APBA1: variants seen among roughly 807,000 people sequenced by gnomAD.
APBA1 encodes amyloid-beta A4 precursor protein-binding family A member 1.
Under a neutral mutation model 86.6 loss-of-function variants are expected in APBA1, and 55 were observed. The ratio of observed to expected loss-of-function variants is 0.64; its 90% CI spans 0.51 to 0.80. The LOEUF is 0.80. Ranked by LOEUF, APBA1 falls within the 30% of genes least tolerant of loss-of-function variation. The pLI is 0.00. For missense variants in APBA1, 1,090 were observed against 1,183.0 expected (o/e 0.92, Z 1.15); for synonymous variants, 511 against 493.9 (o/e 1.03, Z -0.46).
intron 1 of APBA1, among the ~76,000 whole-genome samples, chr9:69,622,399 C>G (rs1564094627): frequency 6.6e-6 from 1 of 152,130 alleles, no homozygotes; most frequent in Non-Finnish European, 1.5e-5. Context: ...CTTATAGGAG[C>G]AGGTAGGTCT....
At chr9:69,657,440 C>T (rs1467955205) in intron 1 of APBA1, among the ~76,000 whole-genome samples, 2 of 152,234 alleles carry the variant, frequency 1.3e-5, no homozygotes, top group Non-Finnish European at 2.9e-5. Flanking sequence ...AACCATGGTT[C>T]ACACTGACAT....
Position 69,515,992 on chromosome 9 carries a change from C to G in APBA1, c.1200+19G>C, listed in dbSNP as rs374794359. 1.3e-6 allele frequency: 2 copies of G among 1,519,886 alleles called. No homozygotes were observed. Among genetic ancestry groups the G allele is most frequent in the Non-Finnish European group, 8.9e-7 (1 of 1,124,030 alleles). The allele number at this position is 1,519,886 out of a possible 1,614,324, so 94.1% of individuals were successfully genotyped here. A position where few individuals can be genotyped will look rare whatever the true frequency, so the allele number is the denominator to read the frequency against. ...CCCACCGCGTGGGGCCGAGGAAGCC[C>G]AAACCCGCACCTACTTACATCTCCG... is the stretch of plus-strand genomic sequence containing the variant. On this transcript the variant is annotated intron_variant, in intron 2 of 12. Transcript: ENST00000265381.
intron 1 of APBA1, among the ~76,000 whole-genome samples, chr9:69,572,454 G>A (rs1362349975): frequency 6.6e-6 from 1 of 152,176 alleles, no homozygotes; most frequent in Non-Finnish European, 1.5e-5. Context: ...GCTCCAGTCA[G>A]AAGGAATTAT....
intron 10 of APBA1, among the ~76,000 whole-genome samples, chr9:69,442,506 A>G (rs1324935581): frequency 6.6e-6 from 1 of 152,136 alleles, no homozygotes; most frequent in African/African-American, 2.4e-5. Flanking sequence ...TTCCTGCAGG[A>G]GAGAACAGCT....
intron 1 of APBA1, among the ~76,000 whole-genome samples, chr9:69,671,546 G>A (rs1278037889): frequency 6.6e-6 from 1 of 152,162 alleles, no homozygotes; most frequent in African/African-American, 2.4e-5. Flanking sequence ...GTCTTAGCCG[G>A]TGACATCAAG....
chr9:69,511,865 T>C (rs888364619), intron 2 of APBA1, among the ~76,000 whole-genome samples: 13 of 151,640 alleles, frequency 8.6e-5, no homozygotes, highest in Admixed American at 3.3e-4. Flanking sequence ...TAGGCGGGAA[T>C]TGAACAATGA....
At chr9:69,456,075 TGAGTAC>T (rs753674372) in intron 8 of APBA1, among the ~76,000 whole-genome samples, 166 bp downstream of exon 8, 1 of 152,238 alleles carries the variant, frequency 6.6e-6, no homozygotes, top group Non-Finnish European at 1.5e-5. Context: ...GCCCTTGCGA[TGAGTAC>T]CCTGTCTGTT....
chr9:69,460,422 G>T (rs1256090890), intron 5 of APBA1, among the ~76,000 whole-genome samples: 2 of 152,176 alleles, frequency 1.3e-5, no homozygotes, highest in Non-Finnish European at 2.9e-5. Flanking sequence ...CCAGAGTCTG[G>T]CCAGGGATGT....
rs75808149 is a variant in APBA1, at chr9:69,553,414, A to C, written c.-69-36135T>G. On this transcript the variant is annotated intron_variant, in intron 1 of 12. Transcript: ENST00000265381. ...AACTGCTATTCTCACTTATATCATC[A>C]GAGATTAGATGTACTTGTTCTGTTC... Among the ~76,000 whole-genome samples the C allele has an allele frequency of 3.1e-3, 474 of 152,306 alleles. 4 individuals carry two copies. The highest frequency in any genetic ancestry group is 5.4e-3 in the Non-Finnish European group (369 of 68,032).
At chr9:69,672,555 C>A (rs1379387287), upstream of APBA1, among the ~76,000 whole-genome samples, 1 of 147,416 alleles carries the variant, frequency 6.8e-6, no homozygotes, top group Admixed American at 6.7e-5. Context: ...CCCGCGAGCC[C>A]GCGGCGGCGG....
Position 69,517,112 on chromosome 9 carries a change from C to A in APBA1, c.99G>T (p.Glu33Asp). 1 of 1,575,312 alleles carries A rather than the reference C, an allele frequency of 6.3e-7. No homozygotes were observed. The highest frequency in any genetic ancestry group is 8.6e-7 in the Non-Finnish European group (1 of 1,163,806). The change falls in exon 2 of 13, where the codon GAG becomes GAT. Residue 33 changes from glutamate to aspartate, a missense_variant. Physicochemically the swap from Glu to Asp is conservative, Grantham distance 45. This residue lies in a region of APBA1 where 678 missense variants were observed against 647.1 expected (regional missense o/e 1.05). Coordinates refer to ENST00000265381, the MANE Select transcript of APBA1 (RefSeq NM_001163.4). ...GCGGCTGCTGCTGTTCCTCTTCCAC[C>A]TCGGGGTGCTCCAGGTCGGCCTCCA... is the stretch of plus-strand genomic sequence containing the variant. Reference protein sequence around the residue: ...ESVEADLEHPEVEEEQQQPPQ... With the variant: ...ESVEADLEHPDVEEEQQQPPQ...
chr9:69,616,173 T>C (rs1489527061), intron 1 of APBA1, among the ~76,000 whole-genome samples: 1 of 152,232 alleles, frequency 6.6e-6, no homozygotes, highest in Non-Finnish European at 1.5e-5. Context: ...CAACTGTTGA[T>C]TACTCTCTGC....
upstream of APBA1, chr9:69,672,455 C>T (rs1216509611): frequency 2.0e-5 from 3 of 149,372 alleles, no homozygotes; most frequent in Non-Finnish European, 4.5e-5. Context: ...GCCGGGCGGG[C>T]CTGCGAGGGA....
chr9:69,640,462 A>T (rs928041846), intron 1 of APBA1, among the ~76,000 whole-genome samples: 3 of 151,994 alleles, frequency 2.0e-5, no homozygotes, highest in African/African-American at 4.8e-5. Context: ...TTGGAAAATT[A>T]AAAAAATTAA....
upstream of APBA1, chr9:69,672,707 TC>T (rs893278756): frequency 6.6e-6 from 1 of 152,064 alleles, no homozygotes; most frequent in African/African-American, 2.4e-5. Flanking sequence ...CGGAATGGGT[TC>T]CACAGCCCCA....
At chr9:69,477,378 G>T (rs1288542210) in intron 2 of APBA1, among the ~76,000 whole-genome samples, 1 of 151,290 alleles carries the variant, frequency 6.6e-6, no homozygotes, top group Non-Finnish European at 1.5e-5. Flanking sequence ...CTGGAAAATC[G>T]GGTCACTCCC....
chr9:69,502,933 A>G (rs1835901105), intron 2 of APBA1, among the ~76,000 whole-genome samples: 1 of 152,096 alleles, frequency 6.6e-6, no homozygotes. Context: ...TCACTTACCA[A>G]TTAGTGATCT....
intron 1 of APBA1, among the ~76,000 whole-genome samples, chr9:69,645,006 T>C (rs1823362329): frequency 1.3e-5 from 2 of 150,844 alleles, no homozygotes; most frequent in Non-Finnish European, 3.0e-5. Flanking sequence ...AGTAGAAGTA[T>C]GTGTGGGGAT....
rs1371100655 is a variant in APBA1, at chr9:69,517,115, G to T, written c.96C>A (p.Pro32=). The T allele has an allele frequency of 1.3e-6, 2 of 1,575,620 alleles. No individual in the cohort carries two copies. The highest frequency in any genetic ancestry group is 8.6e-7 in the Non-Finnish European group (1 of 1,163,884). Residue 32 remains proline, a synonymous_variant, in exon 2 of 13, where the codon CCC becomes CCA. Transcript: ENST00000265381. ...GCTGCTGCTGTTCCTCTTCCACCTC[G>T]GGGTGCTCCAGGTCGGCCTCCACCG... ...NESVEADLEH[P]EVEEEQQQPP...
Sources: allele counts gnomAD v4.1 joint callset (sites outside exome capture counted in the v4.1 genomes callset), GRCh38; gene constraint gnomAD v4.1.1; regional missense constraint gnomAD v4.1.1; transcripts MANE v1.5; gene names NCBI Gene and HGNC (gene_info 2026-07-23, HGNC 2026-07-21).